Variants in EYS observed in about 807,000 individuals in gnomAD.
The protein encoded by EYS is EGF-like photoreceptor maintenance factor, also known as protein eyes shut homolog.
A neutral mutation model predicts 282.1 loss-of-function variants in EYS; 250 were observed. That is an observed-to-expected ratio of 0.89 (90% confidence interval 0.80 to 0.98). The LOEUF (loss-of-function observed/expected upper bound fraction) is 0.98. Ranked by LOEUF, EYS falls within the 50% of genes least tolerant of loss-of-function variation. The pLI, the probability that EYS is intolerant of heterozygous loss-of-function variation, is 0.00. For missense variants in EYS, 4,016 were observed against 3,709.0 expected, an observed-to-expected ratio of 1.08 and a Z score of -2.15; for synonymous variants, 1,355 against 1,282.9, an observed-to-expected ratio of 1.06 and a Z score of -1.20.
intron 22 of EYS, among the ~76,000 whole-genome samples, chr6:64,794,854 C>T (rs1210737052): frequency 6.6e-6 from 1 of 151,996 alleles, no homozygotes; most frequent in African/African-American, 2.4e-5. Flanking sequence ...TATTATACCC[C>T]ACCAACCACC....
At chr6:64,585,433 C>T (rs1199900988) in intron 26 of EYS, among the ~76,000 whole-genome samples, 1 of 152,064 alleles carries the variant, frequency 6.6e-6, no homozygotes, top group Non-Finnish European at 1.5e-5. Flanking sequence ...CACCATGTAA[C>T]GAACCTGCAC....
intron 29 of EYS, among the ~76,000 whole-genome samples, chr6:64,323,547 T>G (rs944184734): frequency 6.6e-6 from 1 of 152,090 alleles, no homozygotes; most frequent in African/African-American, 2.4e-5. Context: ...TCCAATAAAT[T>G]TTCTTTATAC....
intron 5 of EYS, among the ~76,000 whole-genome samples, chr6:65,443,131 T>A (rs1026807427): frequency 6.9e-6 from 1 of 144,002 alleles, no homozygotes; most frequent in Non-Finnish European, 1.6e-5. Flanking sequence ...TATGTACACA[T>A]CATACATATA....
intron 5 of EYS, among the ~76,000 whole-genome samples, chr6:65,439,498 ATTTG>A (rs1311529569): frequency 6.6e-6 from 1 of 152,056 alleles, no homozygotes; most frequent in Non-Finnish European, 1.5e-5. Context: ...ATGTTCTTCC[ATTTG>A]TTTGTGTCCT....
At chr6:65,463,751 C>T (rs1334330012) in intron 5 of EYS, among the ~76,000 whole-genome samples, 1 of 152,058 alleles carries the variant, frequency 6.6e-6, no homozygotes, top group Non-Finnish European at 1.5e-5. Context: ...ACAACTCAGT[C>T]TTGAACATTG....
chr6:65,607,674 G>T (rs1364695339), intron 2 of EYS, among the ~76,000 whole-genome samples: 3 of 151,464 alleles, frequency 2.0e-5, no homozygotes, highest in African/African-American at 7.3e-5. Flanking sequence ...TTTTAATATG[G>T]CCAAACAAAA....
In EYS at chr6:65,524,414, G is replaced by A. The variant is rs185433496; in HGVS notation, c.-332-28421C>T. ...CAGGAAGTAAGCATTTTGCTACTGG[G>A]TCAGTAGGAGTAACAGTGAGTGGTA... On this transcript the variant is annotated intron_variant, in intron 2 of 42. Transcript: ENST00000503581. Among the ~76,000 whole-genome samples the A allele has an allele frequency of 1.9e-3, 294 of 152,278 alleles. 1 individual carries two copies. Among genetic ancestry groups the A allele is most frequent in the African/African-American group, 6.9e-3 (285 of 41,546 alleles).
intron 15 of EYS, among the ~76,000 whole-genome samples, chr6:64,918,458 T>C (rs1768232416): frequency 6.6e-6 from 1 of 152,126 alleles, no homozygotes; most frequent in East Asian, 1.9e-4. Context: ...TGTTTGTTTG[T>C]TCGTTTGTTT....
At chr6:65,407,550 G>A (rs973705517) in intron 5 of EYS, among the ~76,000 whole-genome samples, 31 of 151,994 alleles carry the variant, frequency 2.0e-4, no homozygotes, top group Non-Finnish European at 2.4e-4. Flanking sequence ...CACTATGCCC[G>A]GCCTTGAAGT....
rs897580273 is a variant in EYS, at chr6:65,442,649, G to C, written c.863-37282C>G. Among the ~76,000 whole-genome samples, 3 of 151,914 alleles carry C rather than the reference G, an allele frequency of 2.0e-5. No individual in the cohort carries two copies. In the East Asian group the frequency reaches 5.8e-4, roughly 30 times the overall value. ...CATGCATATAGTCCCAGGTATCTGG[G>C]TGTCTGAGGCAGGAGAATTGTTTGA... On this transcript the variant is annotated intron_variant, in intron 5 of 42. Transcript: ENST00000503581.
intron 19 of EYS, among the ~76,000 whole-genome samples, chr6:64,844,427 AT>A (rs1765660766): frequency 6.6e-6 from 1 of 150,958 alleles, no homozygotes; most frequent in Admixed American, 6.6e-5. Context: ...TTCTCAAAAT[AT>A]TTTCCAAATA....
chr6:64,632,611 G>GAATCA (rs1767822588), intron 22 of EYS, among the ~76,000 whole-genome samples: 1 of 1,688 alleles, frequency 5.9e-4, no homozygotes, highest in Non-Finnish European at 4.8e-3. Flanking sequence ...ATATCTAACT[G>GAATCA]GATTCATCCT....
chr6:65,703,073 G>C (rs1582620889), intron 1 of EYS, among the ~76,000 whole-genome samples: 3 of 152,190 alleles, frequency 2.0e-5, no homozygotes, highest in African/African-American at 2.4e-5. Flanking sequence ...CTTCCAATTA[G>C]AGCTGCAGCA....
At chr6:63,880,274 C>T (rs560255453) in intron 35 of EYS, among the ~76,000 whole-genome samples, 1 of 152,222 alleles carries the variant, frequency 6.6e-6, no homozygotes, top group Admixed American at 6.5e-5. Flanking sequence ...GCAAAAATGG[C>T]CTAGTCTTCC....
At chr6:65,524,996 C>T (rs994033582) in intron 2 of EYS, among the ~76,000 whole-genome samples, 2 of 151,640 alleles carry the variant, frequency 1.3e-5, no homozygotes, top group African/African-American at 4.9e-5. Flanking sequence ...TGGAAGTCCA[C>T]GTTGCTGGGC....
intron 1 of EYS, among the ~76,000 whole-genome samples, chr6:65,674,450 C>CAAAAAAAAA (rs56958605): frequency 5.8e-5 from 2 of 34,770 alleles, no homozygotes; most frequent in African/African-American, 2.1e-4. Context: ...GACTCCGTCT[C>CAAAAAAAAA]AAAAAAAAAA....
At chr6:64,824,000 G>T (rs1397226677) in intron 19 of EYS, among the ~76,000 whole-genome samples, 1 of 151,864 alleles carries the variant, frequency 6.6e-6, no homozygotes, top group African/African-American at 2.4e-5. Context: ...CTTACTATGT[G>T]CCAGGTACAC....
At chr6:65,646,694 A>G (rs1482547551) in intron 1 of EYS, among the ~76,000 whole-genome samples, 1 of 152,152 alleles carries the variant, frequency 6.6e-6, no homozygotes, top group African/African-American at 2.4e-5. Flanking sequence ...CCAGAAAGAG[A>G]TAAAAGACAT....
chr6:64,786,774 C>T (rs756423736), intron 22 of EYS, among the ~76,000 whole-genome samples: 167 of 152,164 alleles, frequency 1.1e-3, no homozygotes, highest in Non-Finnish European at 1.9e-3. Context: ...TATTCCTTCC[C>T]CAGGGGACCT....
Sources: gnomAD v4.1 joint callset for allele counts (sites outside exome capture counted in the v4.1 genomes callset) on GRCh38, gnomAD v4.1.1 for gene constraint, MANE v1.5 for transcripts, NCBI Gene and HGNC (gene_info 2026-07-23, HGNC 2026-07-21) for gene names.